The following NFATC3 variants were observed in gnomAD, a reference collection of about 807,000 sequenced individuals.
NFATC3 encodes the protein nuclear factor of activated T cells 3.
NFATC3 carries 46 observed loss-of-function variants against 98.6 expected under a neutral mutation model. The ratio of observed to expected loss-of-function variants is 0.47; its 90% CI spans 0.37 to 0.60. The LOEUF (loss-of-function observed/expected upper bound fraction) is 0.60, where lower values mean the gene tolerates loss of function less well. Among genes scored for constraint, NFATC3 ranks in the 20% least tolerant of loss-of-function variants. The pLI, the probability that NFATC3 is intolerant of heterozygous loss-of-function variation, is 0.00. For synonymous variants in NFATC3, 512 were observed against 472.2 expected (o/e 1.08, Z -1.09); for missense variants, 1,256 against 1,295.5 (o/e 0.97, Z 0.47).
intron 3 of NFATC3, among the ~76,000 whole-genome samples, chr16:68,130,914 T>C (rs1567513108): frequency 6.6e-6 from 1 of 152,216 alleles, no homozygotes; most frequent in Non-Finnish European, 1.5e-5. Context: ...CTTTCCCCAA[T>C]GTATGTTCTT....
At chr16:68,173,866 T>A (rs1478111524) in intron 5 of NFATC3, among the ~76,000 whole-genome samples, 1 of 152,072 alleles carries the variant, frequency 6.6e-6, no homozygotes, top group Non-Finnish European at 1.5e-5. Context: ...AGAAAATAAT[T>A]GGCTGGGTGT....
chr16:68,163,800 G>A (rs1156861134), intron 4 of NFATC3, among the ~76,000 whole-genome samples: 64 of 147,662 alleles, frequency 4.3e-4, no homozygotes, highest in Middle Eastern at 3.4e-3. Context: ...CATCTCAGAC[G>A]ATGGGCGGCC....
chr16:68,212,946 C>T (rs1479789268), intron 9 of NFATC3, among the ~76,000 whole-genome samples: 2 of 147,726 alleles, frequency 1.4e-5, no homozygotes, highest in South Asian at 4.3e-4. Flanking sequence ...CCCGCCACCA[C>T]GCCTGGCTGA....
At chr16:68,086,763 C>A in intron 1 of NFATC3, 10 of 985,412 alleles carry the variant, frequency 1.0e-5, no homozygotes, top group Non-Finnish European at 1.2e-5. Flanking sequence ...ATTGAAAAAA[C>A]ATACCTGAAC....
rs909540583 is a variant in NFATC3, at chr16:68,085,525, C to T, written c.-157C>T. On this transcript the variant is annotated 5_prime_UTR_variant, in exon 1 of 10. Coordinates refer to ENST00000346183, the MANE Select transcript of NFATC3 (RefSeq NM_173165.3). ...CGCGGCCAGCTTTCGGAACGGAACG[C>T]TCGGCGTCGCGGGCCCCGCCCGGAA... 3.4e-6 allele frequency: 2 copies of T among 596,448 alleles called. No homozygotes were observed. The highest frequency in any genetic ancestry group is 4.0e-5 in the African/African-American group (2 of 50,148). 36.9% of individuals were successfully genotyped at this position (596,448 alleles called of 1,614,324 possible).
rs749077497 is a variant in NFATC3 at position 68,191,740 on chromosome 16, C to G, written c.3071C>G (p.Ala1024Gly). 7.4e-6 allele frequency: 12 copies of G among 1,614,150 alleles called. No homozygotes were observed. In the South Asian group the frequency reaches 1.2e-4, roughly 16 times the overall value. ...CCAGAAGATCGAGAGCCTAACTTTG[C>G]AACCATTGGTCTGCAGGACATCACT... ...PEPEDREPNF[A>G]TIGLQDITLD... is the part of the protein sequence containing the mutation. The change falls in exon 9 of 10, where the codon GCA becomes GGA. Residue 1024 changes from alanine (A) to glycine (G), a missense_variant. Ala to Gly is a moderately conservative substitution (Grantham distance 60). Transcript: ENST00000346183.
intron 3 of NFATC3, among the ~76,000 whole-genome samples, chr16:68,135,629 T>C (rs1017747328): frequency 3.2e-4 from 48 of 152,158 alleles, no homozygotes; most frequent in African/African-American, 1.1e-3. Flanking sequence ...CCGATACCTT[T>C]TATTGAAATT....
intron 3 of NFATC3, among the ~76,000 whole-genome samples, chr16:68,131,279 G>A (rs2037099610): frequency 2.0e-5 from 3 of 151,904 alleles, no homozygotes; most frequent in Admixed American, 2.0e-4. Context: ...AACTTTTTTT[G>A]TTTGTTTTTG....
intron 9 of NFATC3, among the ~76,000 whole-genome samples, chr16:68,216,372 G>A (rs771893626): frequency 6.6e-6 from 1 of 152,154 alleles, no homozygotes; most frequent in Non-Finnish European, 1.5e-5. Flanking sequence ...TGATAGAAAA[G>A]AGTACATGCT....
At chr16:68,185,788 G>T (rs902681037) in intron 8 of NFATC3, among the ~76,000 whole-genome samples, 2 of 151,048 alleles carry the variant, frequency 1.3e-5, no homozygotes, top group South Asian at 2.1e-4. Context: ...GCATGAACCC[G>T]GGAGGTGGAG....
At chr16:68,185,251 G>C (rs2040135783) in intron 8 of NFATC3, among the ~76,000 whole-genome samples, 1 of 152,112 alleles carries the variant, frequency 6.6e-6, no homozygotes. Flanking sequence ...CGCTGGGATT[G>C]CAGGTGTGAG....
chr16:68,226,219 G>A (rs74625559), intron 9 of NFATC3, 131 bp from the exon 10 acceptor site: 74,843 of 1,083,824 alleles, frequency 0.069, 3,048 homozygotes, highest in Non-Finnish European at 0.078. Flanking sequence ...TCAGGAGCAG[G>A]CTTCAGACAC....
At chr16:68,163,193 C>G (rs1444258066) in intron 4 of NFATC3, among the ~76,000 whole-genome samples, 1 of 152,148 alleles carries the variant, frequency 6.6e-6, no homozygotes, top group Non-Finnish European at 1.5e-5. Flanking sequence ...CACCTTTCCC[C>G]CCTTTCTATT....
chr16:68,085,717 C>T lies in NFATC3; in HGVS notation c.36C>T (p.Leu12=). 3.3e-6 allele frequency: 5 copies of T among 1,514,770 alleles called. No individual in the cohort carries two copies. Among genetic ancestry groups the T allele is most frequent in the Non-Finnish European group, 4.4e-6 (5 of 1,133,528 alleles). The allele number at this position is 1,514,770 out of a possible 1,614,324, so 93.8% of individuals were successfully genotyped here. The change falls in exon 1 of 10, where the codon CTC becomes CTT. Residue 12 remains leucine (L), a synonymous_variant. Transcript: ENST00000346183. ...CAAACTGTGGCGCCCACGACGAGCT[C>T]GACTTCAAACTCGTCTTTGGCGAGG... ...TTANCGAHDE[L]DFKLVFGEDG... is the part of the protein sequence containing the mutation.
chr16:68,200,267 G>A (rs1181945889), intron 9 of NFATC3: 2 of 151,718 alleles, frequency 1.3e-5, no homozygotes, highest in South Asian at 2.1e-4. Context: ...GCTTGTTGTG[G>A]GTTAAGACTG....
At chr16:68,120,144 G>A (rs2036493871) in intron 1 of NFATC3, among the ~76,000 whole-genome samples, 2 of 151,422 alleles carry the variant, frequency 1.3e-5, no homozygotes, top group Admixed American at 1.3e-4. Context: ...TGCTGGGAGT[G>A]GTGGCATGCA....
chr16:68,188,581 T>C (rs1441406074), intron 8 of NFATC3, among the ~76,000 whole-genome samples: 1 of 152,210 alleles, frequency 6.6e-6, no homozygotes, highest in Non-Finnish European at 1.5e-5. Context: ...AGTTGCTTGT[T>C]TTTTATTAAG....
At chr16:68,141,297 A>T (rs575152920) in intron 3 of NFATC3, among the ~76,000 whole-genome samples, 1 of 152,268 alleles carries the variant, frequency 6.6e-6, no homozygotes, top group Non-Finnish European at 1.5e-5. Context: ...TGACATAATG[A>T]CTTCTTTTCC....
Position 68,085,624 on chromosome 16 carries a change from G to T in NFATC3, c.-58G>T. On this transcript the variant is annotated 5_prime_UTR_variant, in exon 1 of 10. Coordinates refer to ENST00000346183, the MANE Select transcript of NFATC3 (RefSeq NM_173165.3). ...GCGGCGTTGAGGAGCTGCTGCCGCC[G>T]CTTGCCGCTGCCGCCGCCGCCGCCT... The T allele has an allele frequency of 7.0e-7, 1 of 1,433,642 alleles. No homozygotes were observed. The highest frequency in any genetic ancestry group is 9.2e-7 in the Non-Finnish European group (1 of 1,082,146). The allele number at this position is 1,433,642 out of a possible 1,614,324, so 88.8% of individuals were successfully genotyped here.
Sources: allele counts gnomAD v4.1 joint callset (sites outside exome capture counted in the v4.1 genomes callset), GRCh38; gene constraint gnomAD v4.1.1; transcripts MANE v1.5; gene names NCBI Gene and HGNC (gene_info 2026-07-23, HGNC 2026-07-21).